PTBP2: variants seen among roughly 807,000 people sequenced by gnomAD.
PTBP2 encodes polypyrimidine tract binding protein 2, also known as polypyrimidine tract-binding protein 2.
A neutral mutation model predicts 61.4 loss-of-function variants in PTBP2; 13 were observed. The observed-to-expected ratio is 0.21, with a 90% confidence interval of 0.14 to 0.34. The LOEUF (loss-of-function observed/expected upper bound fraction) is 0.34. Among genes scored for constraint, PTBP2 ranks in the 10% least tolerant of loss-of-function variants. The pLI is 1.00. For missense variants in PTBP2, 405 were observed against 642.6 expected (o/e 0.63, Z 4.00); for synonymous variants, 215 against 218.5 (o/e 0.98, Z 0.14).
Position 96,785,253 on chromosome 1 carries a change from A to AGGTAT in PTBP2, c.904+1_904+5dup. On this transcript the variant is annotated frameshift_variant and splice_region_variant, in exon 8 of 14. Transcript: ENST00000674951. LOFTEE classifies it high-confidence loss of function. Reference sequence around the variant, plus strand: ...CATTTGCCAAGGAGACATCCCTCTTAGGTATGATTTTTATTGTCTTAACCA... The same window carrying AGGTAT: ...CATTTGCCAAGGAGACATCCCTCTTAGGTATGGTATGATTTTTATTGTCTTAACCA... 6.4e-7 allele frequency: 1 copy of AGGTAT among 1,560,686 alleles called. No individual in the cohort carries two copies. Among genetic ancestry groups the AGGTAT allele is most frequent in the African/African-American group, 1.4e-5 (1 of 71,220 alleles).
At chr1:96,812,666 T>G in intron 11 of PTBP2, 46 bp from the exon 12 acceptor site, 1 of 1,371,036 alleles carries the variant, frequency 7.3e-7, no homozygotes, top group Non-Finnish European at 1.0e-6. Flanking sequence ...TATGTTTGTT[T>G]TGAGCTTTGA....
At chr1:96,773,919 C>T (rs906507759) in intron 5 of PTBP2, among the ~76,000 whole-genome samples, 5 of 149,162 alleles carry the variant, frequency 3.4e-5, no homozygotes, top group East Asian at 2.0e-4. Context: ...GCCGAGATCG[C>T]GCCACTGCAC....
At chr1:96,789,528 A>C (rs1039955352) in intron 8 of PTBP2, among the ~76,000 whole-genome samples, 10 of 152,124 alleles carry the variant, frequency 6.6e-5, no homozygotes, top group African/African-American at 2.4e-4. Flanking sequence ...ACTTAATGTC[A>C]TTTAAATCTA....
intron 8 of PTBP2, among the ~76,000 whole-genome samples, chr1:96,791,825 G>A (rs1659828704): frequency 2.0e-5 from 1 of 50,134 alleles, no homozygotes; most frequent in South Asian, 7.9e-4. Context: ...TTGGAGTTGT[G>A]CTTTTTTTTT....
At chr1:96,800,348 T>G (rs1440963732) in intron 8 of PTBP2, among the ~76,000 whole-genome samples, 3 of 152,074 alleles carry the variant, frequency 2.0e-5, no homozygotes, top group Non-Finnish European at 4.4e-5. Flanking sequence ...GGTAGTCTTA[T>G]TTTTACTAAA....
chr1:96,805,071 C>G lies in PTBP2; in HGVS notation c.1044+132C>G, dbSNP rs77421034. On this transcript the variant is annotated intron_variant, in intron 9 of 13. Coordinates refer to ENST00000674951, the MANE Select transcript of PTBP2 (RefSeq NM_021190.4). ...TAGTCAAAGTATTTTCTGTATGTTT[C>G]TACTTCTGAATAAAATCTACATATT... 6.6e-4 allele frequency: 444 copies of G among 672,596 alleles called. 4 individuals are homozygous for G. In the East Asian group the frequency reaches 0.013, roughly 20 times the overall value. 41.7% of individuals were successfully genotyped at this position (672,596 alleles called of 1,614,324 possible).
intron 8 of PTBP2, among the ~76,000 whole-genome samples, chr1:96,799,904 A>T (rs1313704556): frequency 3.3e-5 from 5 of 152,212 alleles, no homozygotes; most frequent in Non-Finnish European, 5.9e-5. Context: ...TTTCAGACAA[A>T]AGTATATTGA....
chr1:96,724,975 C>G (rs1368449246), intron 2 of PTBP2, among the ~76,000 whole-genome samples: 1 of 151,972 alleles, frequency 6.6e-6, no homozygotes, highest in Non-Finnish European at 1.5e-5. Context: ...AGATATTTGC[C>G]CATTCTTTAG....
chr1:96,759,239 T>A (rs967119722), intron 3 of PTBP2, among the ~76,000 whole-genome samples: 2 of 152,172 alleles, frequency 1.3e-5, no homozygotes, highest in African/African-American at 4.8e-5. Context: ...CTATAAAGAC[T>A]TATAAATTGA....
intron 2 of PTBP2, among the ~76,000 whole-genome samples, chr1:96,743,131 G>GA (rs1431682127): frequency 6.6e-6 from 1 of 151,722 alleles, no homozygotes; most frequent in South Asian, 2.1e-4. Flanking sequence ...CTAAAAATAC[G>GA]AAAAAATTAG....
chr1:96,762,620 G>A (rs1333628691), intron 3 of PTBP2, among the ~76,000 whole-genome samples: 5 of 148,704 alleles, frequency 3.4e-5, no homozygotes, highest in African/African-American at 7.4e-5. Context: ...AGGGGCGGCC[G>A]GGCAGAGGCG....
intron 5 of PTBP2, chr1:96,771,304 T>A (rs1346677852): frequency 6.5e-6 from 1 of 153,482 alleles, no homozygotes; most frequent in Admixed American, 6.5e-5. Context: ...TTTAAAAATG[T>A]AATATAGAAG....
intron 2 of PTBP2, among the ~76,000 whole-genome samples, chr1:96,747,805 G>T (rs1361746093): frequency 6.6e-6 from 1 of 151,664 alleles, no homozygotes; most frequent in Non-Finnish European, 1.5e-5. Context: ...TTTGTTCTTG[G>T]CTATGTGGTC....
intron 3 of PTBP2, among the ~76,000 whole-genome samples, chr1:96,761,080 A>G (rs1475869668): frequency 6.6e-6 from 1 of 152,192 alleles, no homozygotes; most frequent in East Asian, 1.9e-4. Context: ...CATTTCTTGA[A>G]AGTTTAAGAG....
At chr1:96,789,276 A>G (rs1334379376) in intron 8 of PTBP2, among the ~76,000 whole-genome samples, 1 of 152,126 alleles carries the variant, frequency 6.6e-6, no homozygotes, top group Non-Finnish European at 1.5e-5. Flanking sequence ...TCTGTAGGAA[A>G]TCATTGACGT....
intron 3 of PTBP2, among the ~76,000 whole-genome samples, chr1:96,764,698 C>T (rs941971146): frequency 9.2e-5 from 14 of 152,198 alleles, no homozygotes; most frequent in African/African-American, 2.2e-4. Context: ...GAAAGTATTC[C>T]AGTAGATTAT....
chr1:96,786,643 TATTC>T (rs1250286869), intron 8 of PTBP2, among the ~76,000 whole-genome samples: 7 of 152,334 alleles, frequency 4.6e-5, no homozygotes, highest in Non-Finnish European at 7.3e-5. Context: ...TTCTAGGTCA[TATTC>T]ATTCAGCTAG....
chr1:96,792,934 A>G (rs1185382113), intron 8 of PTBP2, among the ~76,000 whole-genome samples: 1 of 152,218 alleles, frequency 6.6e-6, no homozygotes, highest in Non-Finnish European at 1.5e-5. Context: ...AGACCAAAGT[A>G]ATCACACATA....
intron 5 of PTBP2, among the ~76,000 whole-genome samples, chr1:96,772,674 GTCTT>G (rs1341989199): frequency 6.6e-6 from 1 of 152,036 alleles, no homozygotes; most frequent in Non-Finnish European, 1.5e-5. Flanking sequence ...TGTGTTATTT[GTCTT>G]TCTTTGTTTG....
Sources: gnomAD v4.1 joint callset for allele counts (sites outside exome capture counted in the v4.1 genomes callset) on GRCh38, gnomAD v4.1.1 for gene constraint, MANE v1.5 for transcripts, NCBI Gene and HGNC (gene_info 2026-07-23, HGNC 2026-07-21) for gene names.